The following APOBEC3D variants were observed in gnomAD, a reference collection of about 807,000 sequenced individuals.
APOBEC3D encodes the protein apolipoprotein B mRNA editing enzyme catalytic subunit 3D, also known as DNA dC->dU-editing enzyme APOBEC-3D.
APOBEC3D carries 37 observed loss-of-function variants against 45.6 expected under a neutral mutation model. That is an observed-to-expected ratio of 0.81 (90% CI 0.62 to 1.07). APOBEC3D has a LOEUF of 1.07. APOBEC3D is among the 50% of genes least tolerant of loss of function. APOBEC3D has a pLI of 0.00. For synonymous variants in APOBEC3D, 175 were observed against 180.7 expected, an observed-to-expected ratio of 0.97 and a Z score of 0.25; for missense variants, 496 against 495.3, an observed-to-expected ratio of 1.00 and a Z score of -0.01.
At chr22:39,028,677 G>T (rs777363534) in intron 4 of APOBEC3D, among the ~76,000 whole-genome samples, 15 of 152,124 alleles carry the variant, frequency 9.9e-5, no homozygotes, top group Non-Finnish European at 2.2e-4. Context: ...GGCTCACACC[G>T]GTAATCCCAG....
chr22:39,031,911 A>G lies in APOBEC3D; in HGVS notation c.980A>G (p.Tyr327Cys). 9.9e-6 allele frequency: 16 copies of G among 1,614,180 alleles called. No homozygotes were observed. The highest frequency in any genetic ancestry group is 1.4e-5 in the Non-Finnish European group (16 of 1,180,042). The stretch of plus-strand genomic sequence containing the variant: ...CTCTGCTACTTCTGGGATACAGATT[A>G]CCAGGAGGGGCTCTGCAGCCTGAGT... Reference protein sequence around the residue: ...ARLCYFWDTDYQEGLCSLSQE... With the variant: ...ARLCYFWDTDCQEGLCSLSQE... The change falls in exon 6 of 7, where the codon TAC (tyrosine) becomes TGC (cysteine). Residue 327 changes from tyrosine to cysteine, a missense_variant. Tyr to Cys is a radical substitution (Grantham distance 194, BLOSUM62 -2). Transcript: ENST00000216099.
chr22:39,023,472 A>C (rs1426514383), intron 2 of APOBEC3D, among the ~76,000 whole-genome samples: 1 of 128,920 alleles, frequency 7.8e-6, no homozygotes, highest in Non-Finnish European at 1.6e-5. Flanking sequence ...TTTGAGACAG[A>C]GTTTTACTCT....
intron 5 of APOBEC3D, among the ~76,000 whole-genome samples, chr22:39,031,390 C>G (rs1354017550): frequency 1.3e-5 from 2 of 152,070 alleles, no homozygotes; most frequent in African/African-American, 2.4e-5. Flanking sequence ...CAATGTGGCA[C>G]GACTCCGTCT....
intron 2 of APOBEC3D, among the ~76,000 whole-genome samples, chr22:39,023,373 C>G (rs1294932551): frequency 6.6e-6 from 1 of 151,784 alleles, no homozygotes; most frequent in Non-Finnish European, 1.5e-5. Flanking sequence ...GCCTTGGCCT[C>G]TGAAAGTTCT....
intron 4 of APOBEC3D, 149 bp downstream of exon 4, chr22:39,025,820 C>A: frequency 6.7e-7 from 1 of 1,485,530 alleles, no homozygotes; most frequent in Non-Finnish European, 9.1e-7. Flanking sequence ...TCCTCATGCT[C>A]CCTCCACCTT....
intron 2 of APOBEC3D, among the ~76,000 whole-genome samples, chr22:39,023,810 C>T (rs755073138): frequency 1.3e-5 from 2 of 152,022 alleles, no homozygotes; most frequent in African/African-American, 4.8e-5. Flanking sequence ...CCCCGGCCAC[C>T]GCCCGGATTC....
chr22:39,023,185 A>G (rs1000951953), intron 2 of APOBEC3D, among the ~76,000 whole-genome samples, 171 bp downstream of exon 2: 29 of 151,688 alleles, frequency 1.9e-4, no homozygotes, highest in African/African-American at 6.5e-4. Context: ...GTGCGATCTC[A>G]GATCACTGCA....
At chr22:39,028,337 T>C (rs1925882429) in intron 4 of APOBEC3D, among the ~76,000 whole-genome samples, 1 of 152,250 alleles carries the variant, frequency 6.6e-6, no homozygotes, top group Non-Finnish European at 1.5e-5. Flanking sequence ...ATGCAGAGGC[T>C]GGACAGGGCT....
At chr22:39,023,052 T>C (rs377098913) in intron 2 of APOBEC3D, 38 bp downstream of exon 2, 1 of 1,485,194 alleles carries the variant, frequency 6.7e-7, no homozygotes, top group South Asian at 1.4e-5. Flanking sequence ...ATAAGTAAAA[T>C]GTCTGGCGGC....
intron 5 of APOBEC3D, among the ~76,000 whole-genome samples, chr22:39,030,212 G>C (rs1926074286): frequency 1.3e-5 from 2 of 148,980 alleles, no homozygotes; most frequent in South Asian, 4.3e-4. Flanking sequence ...TCCTCACAGG[G>C]TGGTGAACCC....
rs1250276170 is a variant in APOBEC3D at position 39,030,528 on chromosome 22, T to C, written c.762+1009T>C. 4.6e-5 allele frequency among the ~76,000 whole-genome samples: 7 copies of C among 152,300 alleles called. No homozygotes were observed. In the Middle Eastern group the frequency reaches 0.014, roughly 296 times the overall value. On this transcript the variant is annotated intron_variant, in intron 5 of 6. Transcript: ENST00000216099. ...TCTCACATAGGATTTCAACATATAC[T>C]TAATATAAAATGCCTCATGAGAGAG...
chr22:39,032,301 G>A lies in APOBEC3D; in HGVS notation c.1146G>A (p.Arg382=), dbSNP rs1926303404. The A allele has an allele frequency of 1.2e-6, 2 of 1,614,162 alleles. No homozygotes were observed. The highest frequency in any genetic ancestry group is 2.2e-5 in the South Asian group (2 of 91,076). Residue 382 remains arginine (R), a synonymous_variant, in exon 7 of 7, where the codon CGG becomes CGA. Transcript: ENST00000216099. ...TNFRLLKRRL[R]EILQ is the part of the protein sequence containing the mutation. ...TTCGACTTCTGAAAAGAAGGCTACG[G>A]GAGATTCTCCAGTGAGGGGTCTCCC...
Position 39,021,671 on chromosome 22 carries a change from C to G in APOBEC3D, c.17+135C>G, listed in dbSNP as rs937344241. On this transcript the variant is annotated intron_variant, in intron 1 of 6. Coordinates refer to ENST00000216099, the MANE Select transcript of APOBEC3D (RefSeq NM_152426.4). ...TTCCCTCTGGCTTCCCTGCCGCCCCCACTCCCAGCCAGACTCCTTGCCCTG... is the reference window on the plus strand; with the variant it reads ...TTCCCTCTGGCTTCCCTGCCGCCCCGACTCCCAGCCAGACTCCTTGCCCTG... The G allele has an allele frequency of 1.6e-5, 20 of 1,252,604 alleles. No homozygotes were observed. In the Admixed American group the frequency reaches 3.7e-4, roughly 23 times the overall value. 77.6% of individuals were successfully genotyped at this position (1,252,604 alleles called of 1,614,324 possible). A position where few individuals can be genotyped will look rare whatever the true frequency, so the allele number is the denominator to read the frequency against.
At chr22:39,029,581 A>G in intron 5 of APOBEC3D, 62 bp downstream of exon 5, 2 of 1,591,866 alleles carry the variant, frequency 1.3e-6, no homozygotes, top group South Asian at 2.2e-5. Context: ...CGCAGAAAAC[A>G]CAATACGTGA....
rs529003908 is a variant in APOBEC3D at position 39,023,608 on chromosome 22, A to C, written c.210+594A>C. Among the ~76,000 whole-genome samples, 31 of 151,516 alleles carry C rather than the reference A, an allele frequency of 2.0e-4. No individual in the cohort carries two copies. The South Asian group carries it at 6.2e-3, about 30-fold the overall frequency. On this transcript the variant is annotated intron_variant, in intron 2 of 6. Coordinates refer to ENST00000216099, the MANE Select transcript of APOBEC3D (RefSeq NM_152426.4). ...ATTACAGGTGCACGCCACCGTGCCC[A>C]GCTAATTTTTTTGTATTTTTAATAG...
At chr22:39,030,790 G>A (rs1926131948) in intron 5 of APOBEC3D, among the ~76,000 whole-genome samples, 1 of 152,146 alleles carries the variant, frequency 6.6e-6, no homozygotes, top group Non-Finnish European at 1.5e-5. Flanking sequence ...ATGGATGCCT[G>A]GGGGAAAGGA....
chr22:39,025,236 T>C lies in APOBEC3D; in HGVS notation c.377T>C (p.Val126Ala). The change falls in exon 3 of 7, where the codon GTC becomes GCC. Residue 126 changes from valine (V) to alanine (A), a missense_variant. By Grantham distance (64) the Val-to-Ala change is moderately conservative. Coordinates refer to ENST00000216099, the MANE Select transcript of APOBEC3D (RefSeq NM_152426.4). ...VTKFLAEHPN[V>A]TLTISAARLY... ...AAATTCTTGGCTGAGCACCCCAATG[T>C]CACCCTGACCATCTCTGCCGCCCGC... The C allele has an allele frequency of 2.5e-6, 4 of 1,614,040 alleles. No individual in the cohort carries two copies. Among genetic ancestry groups the C allele is most frequent in the Non-Finnish European group, 3.4e-6 (4 of 1,179,978 alleles).
At chr22:39,026,292 GTGCA>G (rs972101968) in intron 4 of APOBEC3D, among the ~76,000 whole-genome samples, 2 of 152,164 alleles carry the variant, frequency 1.3e-5, no homozygotes, top group Non-Finnish European at 2.9e-5. Flanking sequence ...CCTTTCCTCT[GTGCA>G]CCTGCACTCC....
chr22:39,027,616 C>G (rs1303273127), intron 4 of APOBEC3D, among the ~76,000 whole-genome samples: 2 of 152,338 alleles, frequency 1.3e-5, no homozygotes, highest in African/African-American at 2.4e-5. Context: ...ACAAGCCTGC[C>G]AGGGAGGCTA....
Sources: gnomAD v4.1 joint callset for allele counts (sites outside exome capture counted in the v4.1 genomes callset) on GRCh38, gnomAD v4.1.1 for gene constraint, MANE v1.5 for transcripts, NCBI Gene and HGNC (gene_info 2026-07-23, HGNC 2026-07-21) for gene names.